CDC16: variants seen among roughly 807,000 people sequenced by gnomAD.
CDC16 encodes cell division cycle 16.
CDC16 carries 34 observed loss-of-function variants against 87.0 expected under a neutral mutation model. That is an observed-to-expected ratio of 0.39 (90% CI 0.30 to 0.52). The LOEUF (loss-of-function observed/expected upper bound fraction) is 0.52. Among genes scored for constraint, CDC16 ranks in the 20% least tolerant of loss-of-function variants. CDC16 has a pLI of 0.74. For synonymous variants in CDC16, 263 were observed against 260.6 expected (o/e 1.01, Z -0.09); for missense variants, 653 against 751.9 (o/e 0.87, Z 1.54).
chr13:114,239,110 G>A (rs1177558699), intron 4 of CDC16, 82 bp downstream of exon 4: 6 of 1,545,534 alleles, frequency 3.9e-6, no homozygotes, highest in Non-Finnish European at 5.3e-6. Context: ...GAGAATTTTA[G>A]TGATGGAGCT....
chr13:114,260,603 T>C (rs2082786914), intron 14 of CDC16, among the ~76,000 whole-genome samples: 1 of 152,210 alleles, frequency 6.6e-6, no homozygotes, highest in Non-Finnish European at 1.5e-5. Context: ...TCTTTGATGA[T>C]TAAGGGGCAC....
intron 1 of CDC16, among the ~76,000 whole-genome samples, chr13:114,236,225 ATATAAGG>A (rs1238666459): frequency 2.6e-5 from 4 of 152,214 alleles, no homozygotes; most frequent in African/African-American, 9.6e-5. Flanking sequence ...CCACTGTGTT[ATATAAGG>A]TATTTGAGTA....
chr13:114,255,741 C>T (rs1430748286), intron 12 of CDC16, among the ~76,000 whole-genome samples: 1 of 152,206 alleles, frequency 6.6e-6, no homozygotes, highest in African/African-American at 2.4e-5. Flanking sequence ...CTCCTGGGCT[C>T]AAGGGATCCT....
chr13:114,262,758 A>C, intron 15 of CDC16, 121 bp from the exon 16 acceptor site: 1 of 887,542 alleles, frequency 1.1e-6, no homozygotes, highest in Non-Finnish European at 1.8e-6. Context: ...AACATTCACC[A>C]GTCTAGACTG....
intron 5 of CDC16, among the ~76,000 whole-genome samples, chr13:114,240,467 C>T (rs1238468796): frequency 6.6e-6 from 1 of 152,118 alleles, no homozygotes; most frequent in African/African-American, 2.4e-5. Context: ...CCTCGGCCTC[C>T]CAAAGTGCTG....
intron 2 of CDC16, 48 bp downstream of exon 2, chr13:114,236,747 T>C (rs1386189435): frequency 6.2e-7 from 1 of 1,613,282 alleles, no homozygotes; most frequent in African/African-American, 1.3e-5. Context: ...TTAAAATTCG[T>C]TTTCTATTTC....
rs145780163 is a variant in CDC16 at position 114,247,426 on chromosome 13, C to T, written c.971+422C>T. On this transcript the variant is annotated intron_variant, in intron 11 of 17. Transcript: ENST00000356221. ...CAAGCAGTCCTCTTGCTTCGGCCTC[C>T]GAAAGTGTTGAGATGACAGGCATGA... 2.3e-4 allele frequency among the ~76,000 whole-genome samples: 35 copies of T among 151,740 alleles called. No individual in the cohort carries two copies. In the East Asian group the frequency reaches 4.6e-3, roughly 20 times the overall value.
At chr13:114,261,032 G>T (rs2082826202) in intron 14 of CDC16, among the ~76,000 whole-genome samples, 1 of 152,112 alleles carries the variant, frequency 6.6e-6, no homozygotes. Context: ...GGAACTAAAG[G>T]TGCCCACAGA....
chr13:114,269,079 G>T (rs1290594831), intron 17 of CDC16, among the ~76,000 whole-genome samples: 1 of 152,134 alleles, frequency 6.6e-6, no homozygotes, highest in African/African-American at 2.4e-5. Context: ...CAATTCTGTG[G>T]GTTGAGTGAC....
At chr13:114,271,369 CT>C (rs1029977654) in intron 17 of CDC16, among the ~76,000 whole-genome samples, 10 of 152,170 alleles carry the variant, frequency 6.6e-5, no homozygotes, top group African/African-American at 2.4e-4. Flanking sequence ...CTGTTCAGAT[CT>C]GTTCAAATCT....
chr13:114,269,257 A>G (rs2083446264), intron 17 of CDC16, among the ~76,000 whole-genome samples: 1 of 152,176 alleles, frequency 6.6e-6, no homozygotes, highest in African/African-American at 2.4e-5. Flanking sequence ...CGATGTTCCC[A>G]GGGTTCTAAA....
chr13:114,254,824 G>T (rs2082399271), intron 12 of CDC16, among the ~76,000 whole-genome samples: 1 of 152,076 alleles, frequency 6.6e-6, no homozygotes, highest in African/African-American at 2.4e-5. Flanking sequence ...GGGAAGTGGG[G>T]GTCCAACACT....
In CDC16 at chr13:114,257,163, C is replaced by T; in HGVS notation, c.1183C>T (p.Leu395=). ...AGCTGAAAGGTTCTTCAGCCAAGCT[C>T]TGAGCATTGCACCGGAAGACCCTTT... The part of the protein sequence containing the change: ...KLAERFFSQA[L]SIAPEDPFVM... The change falls in exon 13 of 18, where the codon CTG becomes TTG. Residue 395 remains leucine, a synonymous_variant. Coordinates refer to ENST00000356221, the MANE Select transcript of CDC16 (RefSeq NM_001078645.3). 6.2e-7 allele frequency: 1 copy of T among 1,613,418 alleles called. No individual in the cohort carries two copies. Among genetic ancestry groups the T allele is most frequent in the Non-Finnish European group, 8.5e-7 (1 of 1,179,468 alleles).
chr13:114,263,188 A>G (rs545762476), intron 16 of CDC16, among the ~76,000 whole-genome samples, 174 bp downstream of exon 16: 1 of 152,192 alleles, frequency 6.6e-6, no homozygotes, highest in South Asian at 2.1e-4. Flanking sequence ...AGTATTCATC[A>G]AATTAGAAAC....
chr13:114,246,088 T>C (rs745940569), intron 10 of CDC16, 39 bp downstream of exon 10: 4 of 952,210 alleles, frequency 4.2e-6, no homozygotes, highest in African/African-American at 3.4e-5. Context: ...TTTTTTTTTT[T>C]ACCTGTACTT....
chr13:114,264,882 A>C, intron 16 of CDC16: 1 of 316,712 alleles, frequency 3.2e-6, no homozygotes, highest in East Asian at 6.7e-5. Context: ...TGCTGGGATT[A>C]CAGGCATGAG....
chr13:114,240,274 A>G lies in CDC16; in HGVS notation c.381+784A>G, dbSNP rs1027796653. Reference sequence around the variant, plus strand: ...GTCCAGGCTGGAGTGCAGTGGCACAATCACAGCTCACTGCAGCCTCAACCT... The same window carrying G: ...GTCCAGGCTGGAGTGCAGTGGCACAGTCACAGCTCACTGCAGCCTCAACCT... On this transcript the variant is annotated intron_variant, in intron 5 of 17. Coordinates refer to ENST00000356221, the MANE Select transcript of CDC16 (RefSeq NM_001078645.3). Among the ~76,000 whole-genome samples the G allele has an allele frequency of 1.2e-4, 19 of 152,188 alleles. No homozygotes were observed. The East Asian group carries it at 3.3e-3, about 26-fold the overall frequency.
At chr13:114,251,578 C>T (rs935188375) in intron 12 of CDC16, among the ~76,000 whole-genome samples, 4 of 152,260 alleles carry the variant, frequency 2.6e-5, no homozygotes, top group East Asian at 3.9e-4. Flanking sequence ...CTCAGTTCTG[C>T]GTTTAAATTA....
At position 114,236,525 on chromosome 13, in the gene CDC16, A is replaced by T. The variant is rs74116841; in HGVS notation, c.49-120A>T. 6.0e-3 allele frequency: 5,200 copies of T among 861,870 alleles called. 208 individuals are homozygous for T. The African/African-American group carries it at 0.085, about 14-fold the overall frequency. The allele number at this position is 861,870 out of a possible 1,614,324, so 53.4% of individuals were successfully genotyped here. On this transcript the variant is annotated intron_variant, in intron 1 of 17. Coordinates refer to ENST00000356221, the MANE Select transcript of CDC16 (RefSeq NM_001078645.3). The stretch of plus-strand genomic sequence containing the variant: ...TGTAACAAATTGTTGTCTTGAGATG[A>T]AGATTTATTACATAGAATTATATTA...
Sources: allele counts gnomAD v4.1 joint callset (sites outside exome capture counted in the v4.1 genomes callset), GRCh38; gene constraint gnomAD v4.1.1; transcripts MANE v1.5; gene names NCBI Gene and HGNC (gene_info 2026-07-23, HGNC 2026-07-21).